CFAP20DC: variants seen among roughly 807,000 people sequenced by gnomAD.
CFAP20DC encodes protein CFAP20DC.
CFAP20DC carries 84 observed loss-of-function variants against 101.7 expected under a neutral mutation model. The ratio of observed to expected loss-of-function variants is 0.83; its 90% CI spans 0.69 to 0.99. CFAP20DC has a LOEUF of 0.99. Ranked by LOEUF, CFAP20DC falls within the 50% of genes least tolerant of loss-of-function variation. The probability of loss-of-function intolerance (pLI) is 0.00; values close to 1 mark genes in which losing one functional copy is unlikely to be tolerated. For missense variants in CFAP20DC, 1,007 were observed against 970.3 expected (o/e 1.04, Z -0.50); for synonymous variants, 359 against 351.2 (o/e 1.02, Z -0.25).
intron 14 of CFAP20DC, among the ~76,000 whole-genome samples, chr3:58,830,728 G>C (rs901084529): frequency 6.6e-6 from 1 of 151,788 alleles, no homozygotes; most frequent in Non-Finnish European, 1.5e-5. Flanking sequence ...ATTTACTTTT[G>C]GATGAAAGTA....
chr3:58,735,515 G>A (rs995385889), intron 3 of CFAP20DC, among the ~76,000 whole-genome samples: 6 of 152,162 alleles, frequency 3.9e-5, no homozygotes, highest in African/African-American at 1.4e-4. Context: ...TGCTCATTCT[G>A]GCACCACAGG....
chr3:58,725,780 C>G (rs1173098451), intron 3 of CFAP20DC: 1 of 178,112 alleles, frequency 5.6e-6, no homozygotes, highest in African/African-American at 2.4e-5. Context: ...CCTCTCTGGA[C>G]TGGATTTTTA....
At chr3:58,963,384 T>C (rs1379833657) in intron 4 of CFAP20DC, among the ~76,000 whole-genome samples, 2 of 152,106 alleles carry the variant, frequency 1.3e-5, no homozygotes, top group Non-Finnish European at 1.5e-5. Context: ...TTGTAATTCC[T>C]GCCACCTCTC....
intron 14 of CFAP20DC, among the ~76,000 whole-genome samples, chr3:58,810,118 A>G (rs1245542453): frequency 6.6e-6 from 1 of 152,184 alleles, no homozygotes; most frequent in Non-Finnish European, 1.5e-5. Context: ...GAATTCTATC[A>G]GAGGTACAAG....
chr3:59,024,028 G>T (rs1376076735), intron 4 of CFAP20DC, among the ~76,000 whole-genome samples: 1 of 152,076 alleles, frequency 6.6e-6, no homozygotes, highest in African/African-American at 2.4e-5. Context: ...AAAAGCAATG[G>T]ATTGGATGAT....
chr3:58,875,332 GAGC>G (rs1250276009), intron 7 of CFAP20DC, among the ~76,000 whole-genome samples: 1 of 152,162 alleles, frequency 6.6e-6, no homozygotes, highest in Non-Finnish European at 1.5e-5. Flanking sequence ...TCACATTCCA[GAGC>G]AATTGGAAAA....
chr3:58,840,048 AAG>A (rs1347125225), intron 13 of CFAP20DC, among the ~76,000 whole-genome samples: 1 of 152,224 alleles, frequency 6.6e-6, no homozygotes, highest in Non-Finnish European at 1.5e-5. Context: ...AATATTTAAA[AAG>A]AGAGCAGAGG....
chr3:58,744,137 A>G (rs1238960027), intron 16 of CFAP20DC, among the ~76,000 whole-genome samples: 1 of 152,176 alleles, frequency 6.6e-6, no homozygotes, highest in Admixed American at 6.5e-5. Flanking sequence ...AGAGCCCTTG[A>G]TGGTTTAGAA....
chr3:58,839,814 T>C (rs2076978462), intron 13 of CFAP20DC, among the ~76,000 whole-genome samples: 1 of 152,210 alleles, frequency 6.6e-6, no homozygotes, highest in East Asian at 1.9e-4. Context: ...ATGGGCGCAC[T>C]GTTTGCATAC....
intron 12 of CFAP20DC, among the ~76,000 whole-genome samples, chr3:58,857,208 T>C (rs2078906339): frequency 6.6e-6 from 1 of 152,240 alleles, no homozygotes. Flanking sequence ...AGATGTACTA[T>C]TTTGGGAATT....
intron 4 of CFAP20DC, 82 bp from the exon 5 acceptor site, chr3:58,937,844 A>C: frequency 1.3e-6 from 1 of 791,922 alleles, no homozygotes; most frequent in South Asian, 1.6e-5. Context: ...AAATGATATA[A>C]TTTATCATAC....
intron 4 of CFAP20DC, among the ~76,000 whole-genome samples, chr3:58,989,142 T>C (rs1195067805): frequency 6.6e-6 from 1 of 152,118 alleles, no homozygotes; most frequent in Non-Finnish European, 1.5e-5. Context: ...AAATTTCCAC[T>C]GTGCCTTTTT....
rs1338768970 is a variant in CFAP20DC at position 59,006,975 on chromosome 3, C to A, written c.278+32582G>T. The stretch of plus-strand genomic sequence containing the variant: ...GGTCTGAGTTTTGTGAGCAGGCTAA[C>A]TGGAGCTAAACTCAGTGCTGTTAGT... On this transcript the variant is annotated intron_variant, in intron 4 of 16. Transcript: ENST00000482387. The surrounding 1 kb of genome is among the most constrained non-coding windows in gnomAD (Gnocchi z 4.3). Among the ~76,000 whole-genome samples, 1 of 152,178 alleles carries A rather than the reference C, an allele frequency of 6.6e-6. No homozygotes were observed. Among genetic ancestry groups the A allele is most frequent in the Admixed American group, 6.5e-5 (1 of 15,280 alleles).
At position 58,721,483 on chromosome 3, in the gene CFAP20DC, A is replaced by C. The variant is rs908243049; in HGVS notation, c.198-3855T>G. Among the ~76,000 whole-genome samples the C allele has an allele frequency of 6.6e-6, 1 of 152,166 alleles. No homozygotes were observed. Among genetic ancestry groups the C allele is most frequent in the African/African-American group, 2.4e-5 (1 of 41,420 alleles). On this transcript the variant is annotated intron_variant, in intron 3 of 3. Transcript: ENST00000486145. This position sits in a 1 kb window ranked among gnomAD's most constrained non-coding sequence, Gnocchi z 5.2. ...AAGGTCAGGGAAGTTTTCCACAAAG[A>C]AGCGATATTTAAGCTGAGATCTGAA... is the stretch of plus-strand genomic sequence containing the variant.
intron 12 of CFAP20DC, 67 bp from the exon 13 acceptor site, chr3:58,849,476 A>C: frequency 8.6e-6 from 10 of 1,164,572 alleles, no homozygotes; most frequent in Non-Finnish European, 2.3e-6. Context: ...TACTGAGTAC[A>C]AGTTCTTAAT....
At position 58,884,723 on chromosome 3, in the gene CFAP20DC, C is replaced by T; in HGVS notation, c.551-14G>A. On this transcript the variant is annotated splice_polypyrimidine_tract_variant and intron_variant, in intron 6 of 16. Coordinates refer to ENST00000482387, the MANE Select transcript of CFAP20DC (RefSeq NM_001394063.1). ...CACCATAGACAGCTGGAAATAAAGA[C>T]AAACATTCATTTTCAAAATGTAAGC... 1.3e-6 allele frequency: 2 copies of T among 1,586,774 alleles called. No homozygotes were observed. Among genetic ancestry groups the T allele is most frequent in the East Asian group, 2.3e-5 (1 of 44,114 alleles).
At chr3:58,999,635 A>G (rs185631155) in intron 4 of CFAP20DC, among the ~76,000 whole-genome samples, 1 of 152,162 alleles carries the variant, frequency 6.6e-6, no homozygotes, top group African/African-American at 2.4e-5. Flanking sequence ...ACTAGAGCTG[A>G]CTCAAAAAGG....
chr3:58,764,452 G>A (rs1431240902), intron 15 of CFAP20DC, among the ~76,000 whole-genome samples: 1 of 152,180 alleles, frequency 6.6e-6, no homozygotes, highest in Non-Finnish European at 1.5e-5. Context: ...TCTTTGACTA[G>A]GAAAGGGAAT....
At chr3:58,957,601 C>A (rs1175536523) in intron 4 of CFAP20DC, among the ~76,000 whole-genome samples, 2 of 152,102 alleles carry the variant, frequency 1.3e-5, no homozygotes, top group African/African-American at 2.4e-5. Flanking sequence ...GGAAGCAAAC[C>A]AAGTGTCCAT....
Sources: allele counts gnomAD v4.1 joint callset (sites outside exome capture counted in the v4.1 genomes callset), GRCh38; gene constraint gnomAD v4.1.1; non-coding constraint Gnocchi (gnomAD v3.1); transcripts MANE v1.5; gene names NCBI Gene and HGNC (gene_info 2026-07-23, HGNC 2026-07-21).